GRID2: variants seen among roughly 807,000 people sequenced by gnomAD.
GRID2 encodes the protein glutamate ionotropic receptor delta type subunit 2.
Under a neutral mutation model 114.8 loss-of-function variants are expected in GRID2, and 33 were observed. The ratio of observed to expected loss-of-function variants is 0.29; its 90% CI spans 0.22 to 0.38. The LOEUF is 0.38. GRID2 is among the 10% of genes least tolerant of loss of function. GRID2 has a pLI of 1.00. For missense variants in GRID2, 1,184 were observed against 1,257.7 expected, an observed-to-expected ratio of 0.94 and a Z score of 0.89; for synonymous variants, 505 against 449.9, an observed-to-expected ratio of 1.12 and a Z score of -1.55.
chr4:92,819,963 G>A (rs1390718957), intron 2 of GRID2, among the ~76,000 whole-genome samples: 1 of 152,088 alleles, frequency 6.6e-6, no homozygotes, highest in Non-Finnish European at 1.5e-5. Context: ...TTTTTCAGAT[G>A]AATAGAATTT....
chr4:92,915,980 A>C (rs1748760791), intron 2 of GRID2, among the ~76,000 whole-genome samples: 1 of 152,122 alleles, frequency 6.6e-6, no homozygotes, highest in Admixed American at 6.6e-5. Flanking sequence ...CCTTTATCAG[A>C]TGCATACTTT....
chr4:92,601,258 T>C (rs1475571245), intron 2 of GRID2, among the ~76,000 whole-genome samples: 2 of 152,114 alleles, frequency 1.3e-5, no homozygotes, highest in East Asian at 3.9e-4. Flanking sequence ...GGCACTTACA[T>C]TAAAATTCAT....
chr4:93,576,345 A>T (rs1736417603), intron 13 of GRID2, among the ~76,000 whole-genome samples: 2 of 152,046 alleles, frequency 1.3e-5, no homozygotes, highest in Admixed American at 1.3e-4. Context: ...TGACTCCACT[A>T]CTCTCCTCTT....
At chr4:92,704,899 GTATATAAATTC>G (rs1337760115) in intron 2 of GRID2, among the ~76,000 whole-genome samples, 3 of 151,494 alleles carry the variant, frequency 2.0e-5, no homozygotes, top group East Asian at 3.9e-4. Context: ...AGATTCACTT[GTATATAAATTC>G]TAAGTGTCAC....
At chr4:93,215,804 T>G (rs990353584) in intron 5 of GRID2, among the ~76,000 whole-genome samples, 2 of 152,082 alleles carry the variant, frequency 1.3e-5, no homozygotes. Flanking sequence ...TTGTAATAAT[T>G]TCTTAGATCA....
intron 1 of GRID2, among the ~76,000 whole-genome samples, chr4:92,582,498 C>G (rs956207385): frequency 1.7e-4 from 26 of 151,696 alleles, no homozygotes; most frequent in Non-Finnish European, 2.5e-4. Context: ...ACAGGTAAAT[C>G]AACTTCTGAT....
At chr4:92,756,923 G>T (rs562802772) in intron 2 of GRID2, among the ~76,000 whole-genome samples, 107 of 152,088 alleles carry the variant, frequency 7.0e-4, no homozygotes, top group Non-Finnish European at 1.2e-3. Flanking sequence ...TATGTTGATT[G>T]TTTCCTTGCT....
intron 14 of GRID2, among the ~76,000 whole-genome samples, chr4:93,646,093 G>A (rs1722087931): frequency 6.6e-6 from 1 of 152,104 alleles, no homozygotes; most frequent in Admixed American, 6.6e-5. Flanking sequence ...ATAAAACAGT[G>A]AACAAGACTG....
intron 14 of GRID2, among the ~76,000 whole-genome samples, chr4:93,632,055 A>G (rs997689306): frequency 3.3e-5 from 5 of 152,050 alleles, no homozygotes; most frequent in Admixed American, 3.3e-4. Flanking sequence ...CCACTTTTTG[A>G]TGAGGTTGTT....
chr4:92,844,639 C>A (rs1743161496), intron 2 of GRID2, among the ~76,000 whole-genome samples: 1 of 141,744 alleles, frequency 7.1e-6, no homozygotes, highest in African/African-American at 2.6e-5. Context: ...TCCTACATAG[C>A]AAATGATGAA....
intron 2 of GRID2, among the ~76,000 whole-genome samples, chr4:92,964,281 A>AG (rs1186127866): frequency 6.6e-6 from 1 of 151,960 alleles, no homozygotes; most frequent in Non-Finnish European, 1.5e-5. Flanking sequence ...TGAAAGTCCC[A>AG]GGGGGCATCT....
chr4:93,152,263 G>A (rs927378938), intron 4 of GRID2, among the ~76,000 whole-genome samples: 2 of 152,060 alleles, frequency 1.3e-5, no homozygotes, highest in Admixed American at 6.6e-5. Context: ...TAATTTTAAA[G>A]TAGACTTCAC....
chr4:92,969,227 A>G (rs1164469658), intron 2 of GRID2, among the ~76,000 whole-genome samples: 1 of 151,546 alleles, frequency 6.6e-6, no homozygotes, highest in East Asian at 1.9e-4. Context: ...AGATGGATGT[A>G]AAGTGTCATG....
intron 2 of GRID2, among the ~76,000 whole-genome samples, chr4:93,003,726 C>T (rs1721234559): frequency 6.6e-6 from 1 of 151,862 alleles, no homozygotes; most frequent in African/African-American, 2.4e-5. Context: ...AATGCTTATG[C>T]TAATGTGCAT....
At chr4:92,850,364 T>G (rs1278837055) in intron 2 of GRID2, among the ~76,000 whole-genome samples, 2 of 151,888 alleles carry the variant, frequency 1.3e-5, no homozygotes, top group East Asian at 3.9e-4. Context: ...TTTTATTCAT[T>G]GTAAAACTTT....
chr4:92,630,938 T>C (rs1730776291), intron 2 of GRID2, among the ~76,000 whole-genome samples: 1 of 151,996 alleles, frequency 6.6e-6, no homozygotes, highest in East Asian at 1.9e-4. Flanking sequence ...ACAAAGCTTC[T>C]GTATAAAGGG....
chr4:92,720,713 AAT>A (rs1419600944), intron 2 of GRID2, among the ~76,000 whole-genome samples: 1 of 152,078 alleles, frequency 6.6e-6, no homozygotes, highest in African/African-American at 2.4e-5. Context: ...ATATATGGAA[AAT>A]ATATGATATG....
chr4:93,634,335 G>A (rs1156230578), intron 14 of GRID2, among the ~76,000 whole-genome samples: 1 of 152,138 alleles, frequency 6.6e-6, no homozygotes, highest in Non-Finnish European at 1.5e-5. Context: ...CGGCCATCAT[G>A]TGTTGAAAGG....
At chr4:93,043,730 A>T (rs1269845602) in intron 2 of GRID2, among the ~76,000 whole-genome samples, 1 of 148,820 alleles carries the variant, frequency 6.7e-6, no homozygotes, top group Non-Finnish European at 1.5e-5. Flanking sequence ...AGTTGGACAC[A>T]GGAAGGGGAA....
Sources: allele counts gnomAD v4.1 joint callset (sites outside exome capture counted in the v4.1 genomes callset), GRCh38; gene constraint gnomAD v4.1.1; transcripts MANE v1.5; gene names NCBI Gene and HGNC (gene_info 2026-07-23, HGNC 2026-07-21).